RAB6A: variants seen among roughly 807,000 people sequenced by gnomAD.
RAB6A encodes ras-related protein Rab-6A.
A neutral mutation model predicts 32.3 loss-of-function variants in RAB6A; 8 were observed. The observed-to-expected ratio is 0.25, with a 90% CI of 0.15 to 0.45. The LOEUF is 0.45. Among genes scored for constraint, RAB6A ranks in the 20% least tolerant of loss-of-function variants. The probability of loss-of-function intolerance (pLI) is 1.00; values close to 1 mark genes in which losing one functional copy is unlikely to be tolerated. For missense variants in RAB6A, 104 were observed against 249.4 expected (o/e 0.42, Z 3.93); for synonymous variants, 73 against 82.1 (o/e 0.89, Z 0.60).
intron 1 of RAB6A, among the ~76,000 whole-genome samples, chr11:73,753,078 T>G (rs1946691650): frequency 6.6e-6 from 1 of 151,916 alleles, no homozygotes; most frequent in South Asian, 2.1e-4. Context: ...CAAGACCTCG[T>G]TTGCTAAAAA....
At chr11:73,713,427 G>T (rs534438174) in intron 5 of RAB6A, among the ~76,000 whole-genome samples, 2 of 152,094 alleles carry the variant, frequency 1.3e-5, no homozygotes, top group African/African-American at 4.8e-5. Flanking sequence ...AAAATTAGCC[G>T]GGCATGCTGG....
intron 1 of RAB6A, among the ~76,000 whole-genome samples, chr11:73,752,906 A>G (rs1946689740): frequency 6.6e-6 from 1 of 152,112 alleles, no homozygotes; most frequent in Non-Finnish European, 1.5e-5. Flanking sequence ...GAGAATTAAA[A>G]CAGAAGCTTA....
intron 2 of RAB6A, 42 bp from the exon 3 acceptor site, chr11:73,720,941 T>C: frequency 7.1e-7 from 1 of 1,410,160 alleles, no homozygotes; most frequent in Non-Finnish European, 1.0e-6. Flanking sequence ...ATAAGTTTAA[T>C]GGTGGCCAGC....
At chr11:73,706,389 C>G (rs1945844111) in intron 6 of RAB6A, among the ~76,000 whole-genome samples, 1 of 152,004 alleles carries the variant, frequency 6.6e-6, no homozygotes, top group Non-Finnish European at 1.5e-5. Flanking sequence ...ATGCAGGCAC[C>G]TGTAGTCCCA....
intron 1 of RAB6A, among the ~76,000 whole-genome samples, chr11:73,750,547 G>A (rs1946657384): frequency 6.6e-6 from 1 of 152,036 alleles, no homozygotes; most frequent in African/African-American, 2.4e-5. Context: ...GTAGATGGGG[G>A]GGTTTCTCCA....
intron 6 of RAB6A, among the ~76,000 whole-genome samples, chr11:73,693,966 A>G (rs1169782797): frequency 6.6e-6 from 1 of 152,120 alleles, no homozygotes; most frequent in East Asian, 1.9e-4. Context: ...ACCTCAGGAA[A>G]GCTTTCTTGA....
intron 3 of RAB6A, among the ~76,000 whole-genome samples, chr11:73,720,644 T>C (rs186011012): frequency 1.3e-5 from 2 of 152,326 alleles, no homozygotes; most frequent in East Asian, 3.9e-4. Context: ...TAATTCTCTG[T>C]AAAGCTCTTT....
chr11:73,704,554 G>A lies in RAB6A; in HGVS notation c.495+2866C>T, dbSNP rs535712621. Among the ~76,000 whole-genome samples, 29 of 151,420 alleles carry A rather than the reference G, an allele frequency of 1.9e-4. 1 individual carries two copies. The East Asian group carries it at 4.1e-3, about 21-fold the overall frequency. The stretch of plus-strand genomic sequence containing the variant: ...AAAAAAATTAGCTGGGCATGGTGGC[G>A]CTCGACTGTAGTCCCAGCTACTCGG... On this transcript the variant is annotated intron_variant, in intron 6 of 7. Transcript: ENST00000336083.
chr11:73,719,671 A>C (rs1946106429), intron 3 of RAB6A, among the ~76,000 whole-genome samples: 1 of 150,854 alleles, frequency 6.6e-6, no homozygotes, highest in Non-Finnish European at 1.5e-5. Flanking sequence ...GCTGAAGTGC[A>C]GTGGTGTGAT....
intron 5 of RAB6A, among the ~76,000 whole-genome samples, chr11:73,715,229 C>T (rs994927305): frequency 3.4e-4 from 52 of 152,090 alleles, no homozygotes; most frequent in Admixed American, 2.0e-4. Flanking sequence ...CTGGTTCAAG[C>T]AGTTCTCCTG....
At chr11:73,677,997 G>A in intron 7 of RAB6A, 35 bp from the exon 8 acceptor site, 1 of 1,605,368 alleles carries the variant, frequency 6.2e-7, no homozygotes, top group South Asian at 1.1e-5. Flanking sequence ...AAATGGGAAA[G>A]TACAATTTCA....
chr11:73,758,845 T>C (rs1216043772), intron 1 of RAB6A, among the ~76,000 whole-genome samples: 1 of 152,162 alleles, frequency 6.6e-6, no homozygotes, highest in Non-Finnish European at 1.5e-5. Flanking sequence ...TATCCTGATA[T>C]TGACACAGAA....
chr11:73,718,735 TCAAA>T lies in RAB6A; in HGVS notation c.184-21_184-18del, dbSNP rs1329428567. 7 of 1,613,608 alleles carry T rather than the reference TCAAA, an allele frequency of 4.3e-6. No homozygotes were observed. In the East Asian group the frequency reaches 1.3e-4, roughly 31 times the overall value. ...CAATCGTACCTAACAACAAAATCAG[TCAAA>T]CAAGCAAGAAAAATAAGAAAGGTCA... On this transcript the variant is annotated intron_variant, in intron 3 of 7. Transcript: ENST00000336083.
At chr11:73,736,566 T>C (rs574614132) in intron 1 of RAB6A, among the ~76,000 whole-genome samples, 5 of 150,794 alleles carry the variant, frequency 3.3e-5, no homozygotes, top group Non-Finnish European at 5.9e-5. Flanking sequence ...CCAAGGTGGG[T>C]AGATCACCTG....
intron 1 of RAB6A, among the ~76,000 whole-genome samples, chr11:73,734,190 A>G (rs775493021): frequency 6.6e-6 from 1 of 152,158 alleles, no homozygotes; most frequent in African/African-American, 2.4e-5. Flanking sequence ...CAGTGACACG[A>G]TATCAGCTCA....
chr11:73,719,314 T>G (rs912342492), intron 3 of RAB6A, among the ~76,000 whole-genome samples: 2 of 152,260 alleles, frequency 1.3e-5, no homozygotes, highest in East Asian at 3.8e-4. Context: ...AATTAATGCT[T>G]CTTTGAAAGC....
rs1565342340 is a variant in RAB6A, at chr11:73,679,726, GGAAA to G, written c.496-10_496-7del. The G allele has an allele frequency of 6.4e-7, 1 of 1,574,066 alleles. No individual in the cohort carries two copies. The highest frequency in any genetic ancestry group is 8.6e-7 in the Non-Finnish European group (1 of 1,157,040). On this transcript the variant is annotated splice_polypyrimidine_tract_variant and splice_region_variant and intron_variant, in intron 6 of 7. Coordinates refer to ENST00000336083, the MANE Select transcript of RAB6A (RefSeq NM_198896.2). ...GCTGCTACACGTCGAAAGAGCTGTG[GGAAA>G]GAGAGAAAAGTGATAACTGAGAGGG...
chr11:73,727,304 T>C (rs1021416132), intron 2 of RAB6A, among the ~76,000 whole-genome samples: 5 of 151,742 alleles, frequency 3.3e-5, no homozygotes, highest in African/African-American at 1.2e-4. Context: ...CGTGTACCTG[T>C]AGTCCCAGCT....
At chr11:73,754,260 CATT>C (rs1946711348) in intron 1 of RAB6A, among the ~76,000 whole-genome samples, 1 of 152,302 alleles carries the variant, frequency 6.6e-6, no homozygotes, top group African/African-American at 2.4e-5. Context: ...AAACTGGCAA[CATT>C]ATAACAGGAG....
Sources: allele counts gnomAD v4.1 joint callset (sites outside exome capture counted in the v4.1 genomes callset), GRCh38; gene constraint gnomAD v4.1.1; transcripts MANE v1.5; gene names NCBI Gene and HGNC (gene_info 2026-07-23, HGNC 2026-07-21).